KAT8: variants seen among roughly 807,000 people sequenced by gnomAD.
KAT8 encodes the protein histone acetyltransferase KAT8.
KAT8 carries 40 observed loss-of-function variants against 62.9 expected under a neutral mutation model. The ratio of observed to expected loss-of-function variants is 0.64; its 90% CI spans 0.49 to 0.83. KAT8 has a LOEUF of 0.83. Ranked by LOEUF, KAT8 falls within the 40% of genes least tolerant of loss-of-function variation. The probability of loss-of-function intolerance (pLI) is 0.00; values close to 1 mark genes in which losing one functional copy is unlikely to be tolerated. For synonymous variants in KAT8, 278 were observed against 254.5 expected, an observed-to-expected ratio of 1.09 and a Z score of -0.88; for missense variants, 387 against 614.8, an observed-to-expected ratio of 0.63 and a Z score of 3.92.
intron 3 of KAT8, chr16:31,126,687 A>C: frequency 6.9e-6 from 2 of 290,942 alleles, no homozygotes; most frequent in Non-Finnish European, 1.3e-5. Context: ...TGGGCCTGGA[A>C]GGCAAATCTG....
intron 1 of KAT8, 151 bp downstream of exon 1, chr16:31,118,043 C>G (rs1376195990): frequency 1.7e-6 from 1 of 605,600 alleles, no homozygotes; most frequent in Non-Finnish European, 2.5e-6. Flanking sequence ...CGCCGCGTTC[C>G]GGGCGCTGAG....
chr16:31,120,289 G>T (rs1392819074), intron 2 of KAT8, 29 bp downstream of exon 2: 1 of 1,614,020 alleles, frequency 6.2e-7, no homozygotes, highest in Non-Finnish European at 8.5e-7. Flanking sequence ...CTGGGCGTGG[G>T]TGCAGGGAGT....
At chr16:31,125,338 T>G (rs1156962809) in intron 3 of KAT8, among the ~76,000 whole-genome samples, 2 of 152,128 alleles carry the variant, frequency 1.3e-5, no homozygotes. Context: ...GTGCAGTGGC[T>G]CACGCCTGTA....
In KAT8 at chr16:31,131,294, T is replaced by G. The variant is rs1457514661; in HGVS notation, c.*35T>G. 3 of 1,612,280 alleles carry G rather than the reference T, an allele frequency of 1.9e-6. No homozygotes were observed. Among genetic ancestry groups the G allele is most frequent in the Non-Finnish European group, 2.5e-6 (3 of 1,178,670 alleles). ...CCCCTGCTGTCGGACCTGAGCCTCC[T>G]GGCTCCCAGCCTGTAAATATGTATA... On this transcript the variant is annotated 3_prime_UTR_variant, in exon 11 of 11. Coordinates refer to ENST00000219797, the MANE Select transcript of KAT8 (RefSeq NM_032188.3).
intron 3 of KAT8, chr16:31,121,085 T>TTGTGTGTGTGTGTGTA (rs1656955937): frequency 7.0e-6 from 1 of 143,060 alleles, no homozygotes; most frequent in South Asian, 2.2e-4. Flanking sequence ...TAAATGGTTT[T>TTGTGTGTGTGTGTGTA]TGTGTGTGTG....
In KAT8 at chr16:31,126,814, A is replaced by G. The variant is rs1171707391; in HGVS notation, c.463-221A>G. 5 of 511,894 alleles carry G rather than the reference A, an allele frequency of 9.8e-6. No individual in the cohort carries two copies. In the Admixed American group the frequency reaches 2.2e-4, roughly 22 times the overall value. The allele number at this position is 511,894 out of a possible 1,614,324, so 31.7% of individuals were successfully genotyped here. A position where few individuals can be genotyped will look rare whatever the true frequency, so the allele number is the denominator to read the frequency against. ...GGCAAAAGGTCCAAACTTGGACATCAGGGATGTCTGGGATATCGGGGGTGG... is the reference window on the plus strand; with the variant it reads ...GGCAAAAGGTCCAAACTTGGACATCGGGGATGTCTGGGATATCGGGGGTGG... On this transcript the variant is annotated intron_variant, in intron 3 of 10. Coordinates refer to ENST00000219797, the MANE Select transcript of KAT8 (RefSeq NM_032188.3).
intron 6 of KAT8, 57 bp from the exon 7 acceptor site, chr16:31,129,960 A>G: frequency 6.3e-7 from 1 of 1,594,494 alleles, no homozygotes; most frequent in South Asian, 1.1e-5. Flanking sequence ...CGCTGGAACC[A>G]GCTGGGTGGG....
At chr16:31,128,524 G>A (rs1217027536) in intron 6 of KAT8, among the ~76,000 whole-genome samples, 4 of 151,830 alleles carry the variant, frequency 2.6e-5, no homozygotes, top group Admixed American at 6.6e-5. Flanking sequence ...CAGCCTGGTC[G>A]TCAGATTGAG....
chr16:31,128,169 C>T, intron 6 of KAT8, 30 bp downstream of exon 6: 1 of 1,555,516 alleles, frequency 6.4e-7, no homozygotes, highest in Non-Finnish European at 8.9e-7. Context: ...TTGGGAGAGG[C>T]CGGGGAGGCC....
chr16:31,118,246 T>G, intron 1 of KAT8: 1 of 210,936 alleles, frequency 4.7e-6, no homozygotes. Context: ...CATTTGTCCC[T>G]GGCAGCCATC....
chr16:31,123,189 A>G (rs1426868223), intron 3 of KAT8, among the ~76,000 whole-genome samples: 2 of 152,152 alleles, frequency 1.3e-5, no homozygotes, highest in African/African-American at 4.8e-5. Context: ...TGTCTCAAAA[A>G]AAAATTAATT....
At chr16:31,120,872 C>T (rs1037855734) in intron 3 of KAT8, 8 of 220,888 alleles carry the variant, frequency 3.6e-5, no homozygotes, top group Non-Finnish European at 7.3e-5. Flanking sequence ...GCCAAGCACC[C>T]TGCCAAGTGC....
At chr16:31,118,281 C>T (rs956794647) in intron 1 of KAT8, 1 of 178,336 alleles carries the variant, frequency 5.6e-6, no homozygotes, top group Non-Finnish European at 1.2e-5. Context: ...CTTCCAGAAA[C>T]AACAGGCTTC....
intron 3 of KAT8, among the ~76,000 whole-genome samples, chr16:31,121,744 T>C (rs2057495151): frequency 6.6e-6 from 1 of 152,004 alleles, no homozygotes; most frequent in African/African-American, 2.4e-5. Context: ...TTAATAATTG[T>C]ACATATTATT....
intron 5 of KAT8, among the ~76,000 whole-genome samples, chr16:31,127,572 C>G (rs1053505733): frequency 2.0e-5 from 3 of 152,204 alleles, no homozygotes; most frequent in African/African-American, 7.2e-5. Flanking sequence ...CTCAGCTCCT[C>G]TTCTCTGGAA....
chr16:31,129,775 G>A (rs145425101), intron 6 of KAT8, among the ~76,000 whole-genome samples: 11 of 152,340 alleles, frequency 7.2e-5, no homozygotes, highest in African/African-American at 2.2e-4. Context: ...CACCCAGCTC[G>A]TATTTGGCAC....
rs908742028 is a variant in KAT8, at chr16:31,129,998, C to G, written c.772-19C>G. On this transcript the variant is annotated intron_variant, in intron 6 of 10. Coordinates refer to ENST00000219797, the MANE Select transcript of KAT8 (RefSeq NM_032188.3). Reference sequence around the variant, plus strand: ...CTGTGCCTGCCCCCTGAGCCTGTCTCCCCCCTCCTCAACCCTAGATTTACT... The same window carrying G: ...CTGTGCCTGCCCCCTGAGCCTGTCTGCCCCCTCCTCAACCCTAGATTTACT... 6.2e-7 allele frequency: 1 copy of G among 1,613,626 alleles called. No homozygotes were observed. Among genetic ancestry groups the G allele is most frequent in the Non-Finnish European group, 8.5e-7 (1 of 1,179,852 alleles).
In KAT8 at chr16:31,117,794, C is replaced by T. The variant is rs1048114166; in HGVS notation, c.113C>T (p.Pro38Leu). ...NAAAEGTAPS[P>L]GRVSPPTPAR... ...GCCGCTGAGGGGACCGCCCCATCCC[C>T]GGGCCGCGTCTCTCCGCCGACCCCG... is the stretch of plus-strand genomic sequence containing the variant. Residue 38 changes from proline to leucine, a missense_variant, in exon 1 of 11, where the codon CCG (proline) becomes CTG (leucine). This residue lies in a region of KAT8 where 92 missense variants were observed against 78.8 expected (regional missense o/e 1.17). Coordinates refer to ENST00000219797, the MANE Select transcript of KAT8 (RefSeq NM_032188.3). 3 of 1,418,132 alleles carry T rather than the reference C, an allele frequency of 2.1e-6. No homozygotes were observed. The African/African-American group carries it at 4.5e-5, about 21-fold the overall frequency. The allele number at this position is 1,418,132 out of a possible 1,614,324, so 87.8% of individuals were successfully genotyped here. A position where few individuals can be genotyped will look rare whatever the true frequency, so the allele number is the denominator to read the frequency against.
Position 31,117,947 on chromosome 16 carries a change from G to A in KAT8, c.211+55G>A, listed in dbSNP as rs553232127. ...GGCGGAGCTCAGGGCCAGGGGGTGG[G>A]GCGGGGCCTGAGGACAGGCTGTCAG... On this transcript the variant is annotated intron_variant, in intron 1 of 10. Transcript: ENST00000219797. 2.9e-5 allele frequency: 35 copies of A among 1,227,924 alleles called. No individual in the cohort carries two copies. The African/African-American group carries it at 5.0e-4, about 18-fold the overall frequency. The allele number at this position is 1,227,924 out of a possible 1,614,324, so 76.1% of individuals were successfully genotyped here.
Sources: gnomAD v4.1 joint callset for allele counts (sites outside exome capture counted in the v4.1 genomes callset) on GRCh38, gnomAD v4.1.1 for gene constraint, gnomAD v4.1.1 regional missense constraint, MANE v1.5 for transcripts, NCBI Gene and HGNC (gene_info 2026-07-23, HGNC 2026-07-21) for gene names.